The following RBFOX1 variants were observed in gnomAD, a reference collection of about 807,000 sequenced individuals.
The protein encoded by RBFOX1 is RNA binding protein fox-1 homolog 1.
Under a neutral mutation model 57.7 loss-of-function variants are expected in RBFOX1, and 8 were observed. The observed-to-expected ratio is 0.14, with a 90% CI of 0.08 to 0.25. The LOEUF (loss-of-function observed/expected upper bound fraction) is 0.25, where lower values mean the gene tolerates loss of function less well. RBFOX1 is among the 10% of genes least tolerant of loss of function. The probability of loss-of-function intolerance (pLI) is 1.00; values close to 1 mark genes in which losing one functional copy is unlikely to be tolerated. For synonymous variants in RBFOX1, 326 were observed against 222.4 expected, an observed-to-expected ratio of 1.47 and a Z score of -4.15; for missense variants, 611 against 548.5, an observed-to-expected ratio of 1.11 and a Z score of -1.14.
At chr16:5,419,649 T>A (rs991658125) in intron 1 of RBFOX1, among the ~76,000 whole-genome samples, 13 of 152,084 alleles carry the variant, frequency 8.5e-5, no homozygotes, top group Admixed American at 7.9e-4. Flanking sequence ...CCTCAGAAGC[T>A]GTGAATGCGG....
At chr16:6,816,329 A>G (rs1367167755) in intron 3 of RBFOX1, among the ~76,000 whole-genome samples, 2 of 152,146 alleles carry the variant, frequency 1.3e-5, no homozygotes, top group African/African-American at 4.8e-5. Context: ...TCAGTCAACA[A>G]TCATTGTGTC....
chr16:6,939,832 T>C (rs968012397), intron 3 of RBFOX1, among the ~76,000 whole-genome samples: 3 of 152,126 alleles, frequency 2.0e-5, no homozygotes, highest in African/African-American at 7.2e-5. Flanking sequence ...ACTAAGAGGG[T>C]ATCATATAGC....
At chr16:7,298,298 T>TG (rs1270978343) in intron 4 of RBFOX1, among the ~76,000 whole-genome samples, 22 of 148,236 alleles carry the variant, frequency 1.5e-4, no homozygotes, top group Non-Finnish European at 1.9e-4. Context: ...TTTTTTTTTT[T>TG]TTTTTTTTGA....
Position 6,966,279 on chromosome 16 carries a change from G to T in RBFOX1, c.-15-85778G>T, listed in dbSNP as rs144631062. ...GGTAAAATGAGCCTCCCGTTGACTG[G>T]GCACTCCTGCAGGCACTGAGGATAA... On this transcript the variant is annotated intron_variant, in intron 3 of 15. Transcript: ENST00000550418. 3.9e-5 allele frequency among the ~76,000 whole-genome samples: 6 copies of T among 152,214 alleles called. No homozygotes were observed. In the East Asian group the frequency reaches 1.2e-3, roughly 30 times the overall value.
intron 5 of RBFOX1, among the ~76,000 whole-genome samples, chr16:7,557,642 AGAAAAAG>A (rs1567816962): frequency 0.011 from 1,089 of 96,916 alleles, 147 homozygotes; most frequent in African/African-American, 0.015. Flanking sequence ...AAAAAAAAAA[AGAAAAAG>A]AAAAAAAAAA....
intron 2 of RBFOX1, among the ~76,000 whole-genome samples, chr16:6,505,066 C>T (rs1024673859): frequency 1.3e-5 from 2 of 152,178 alleles, no homozygotes; most frequent in South Asian, 4.2e-4. Flanking sequence ...GAGTGACACT[C>T]CGTCTCAATA....
chr16:6,114,959 C>G (rs1264540027), intron 1 of RBFOX1, among the ~76,000 whole-genome samples: 2 of 152,010 alleles, frequency 1.3e-5, no homozygotes, highest in African/African-American at 4.8e-5. Flanking sequence ...CAGTTACATG[C>G]AAATTAAGGG....
intron 2 of RBFOX1, among the ~76,000 whole-genome samples, chr16:5,491,810 C>G (rs2042839276): frequency 1.3e-5 from 2 of 152,170 alleles, no homozygotes; most frequent in African/African-American, 4.8e-5. Context: ...TGTTCTCAAG[C>G]CTAGCTGCAC....
At chr16:6,490,813 C>T (rs974373956) in intron 2 of RBFOX1, among the ~76,000 whole-genome samples, 2 of 152,200 alleles carry the variant, frequency 1.3e-5, no homozygotes, top group African/African-American at 4.8e-5. Context: ...GCCCAATAAA[C>T]TCACGTTTGA....
chr16:7,299,750 T>C (rs2095985970), intron 4 of RBFOX1, among the ~76,000 whole-genome samples: 1 of 152,158 alleles, frequency 6.6e-6, no homozygotes, highest in Non-Finnish European at 1.5e-5. Flanking sequence ...ATGTATACAT[T>C]AGAAGTGCCA....
chr16:7,009,607 G>T lies in RBFOX1; in HGVS notation c.-15-42450G>T, dbSNP rs561622938. On this transcript the variant is annotated intron_variant, in intron 3 of 15. Transcript: ENST00000550418. ...TGCCACATCCAGCTAATCCAATAAT[G>T]GAGAAGCTGATGTATAGCATATTGG... Among the ~76,000 whole-genome samples the T allele has an allele frequency of 5.5e-4, 83 of 152,260 alleles. 1 individual carries two copies. Among genetic ancestry groups the T allele is most frequent in the African/African-American group, 1.9e-3 (81 of 41,552 alleles).
intron 1 of RBFOX1, among the ~76,000 whole-genome samples, chr16:5,294,958 A>T (rs2063627907): frequency 6.9e-6 from 1 of 144,236 alleles, no homozygotes; most frequent in African/African-American, 2.5e-5. Flanking sequence ...TGAGCCCAGG[A>T]GGCAGAGACT....
chr16:6,858,631 A>C (rs566801331), intron 3 of RBFOX1, among the ~76,000 whole-genome samples: 2 of 152,166 alleles, frequency 1.3e-5, no homozygotes, highest in African/African-American at 2.4e-5. Context: ...GATTTCATTT[A>C]GTTTATATGA....
At chr16:6,491,262 T>G (rs2095626820) in intron 2 of RBFOX1, among the ~76,000 whole-genome samples, 1 of 152,000 alleles carries the variant, frequency 6.6e-6, no homozygotes, top group Non-Finnish European at 1.5e-5. Context: ...GAATGGGAAG[T>G]TGGATTTAAA....
chr16:6,029,514 C>T (rs568735932), intron 1 of RBFOX1, among the ~76,000 whole-genome samples: 1 of 152,190 alleles, frequency 6.6e-6, no homozygotes, highest in Non-Finnish European at 1.5e-5. Flanking sequence ...TGGCTCACGC[C>T]TGTAATCCCA....
intron 13 of RBFOX1, among the ~76,000 whole-genome samples, chr16:7,671,241 G>A (rs1368748341): frequency 2.0e-5 from 3 of 152,158 alleles, no homozygotes; most frequent in African/African-American, 7.2e-5. Flanking sequence ...AGTTAATTTG[G>A]ACTGTTGGAA....
At chr16:5,872,200 T>C (rs2057491300) in intron 4 of RBFOX1, among the ~76,000 whole-genome samples, 1 of 152,194 alleles carries the variant, frequency 6.6e-6, no homozygotes, top group Non-Finnish European at 1.5e-5. Context: ...CCATCCTGTG[T>C]CATTTGAGAA....
chr16:5,243,472 C>A (rs998729360), intron 1 of RBFOX1, among the ~76,000 whole-genome samples: 3 of 152,146 alleles, frequency 2.0e-5, no homozygotes, highest in African/African-American at 7.2e-5. Context: ...GGCACCGTCA[C>A]AACACTTGGG....
At chr16:7,396,105 G>A (rs183723129) in intron 4 of RBFOX1, among the ~76,000 whole-genome samples, 1 of 152,226 alleles carries the variant, frequency 6.6e-6, no homozygotes, top group Admixed American at 6.5e-5. Flanking sequence ...AGTGTCAGGG[G>A]AGGGGATTGA....
Sources: allele counts gnomAD v4.1 joint callset (sites outside exome capture counted in the v4.1 genomes callset), GRCh38; gene constraint gnomAD v4.1.1; transcripts MANE v1.5; gene names NCBI Gene and HGNC (gene_info 2026-07-23, HGNC 2026-07-21).